The following LPCAT1 variants were observed in gnomAD, a reference collection of about 807,000 sequenced individuals.
The protein encoded by LPCAT1 is lysophosphatidylcholine acyltransferase 1, also known as 1-acylglycerol-3-phosphate O-acyltransferase.
Under a neutral mutation model 60.9 loss-of-function variants are expected in LPCAT1, and 23 were observed. The ratio of observed to expected loss-of-function variants is 0.38; its 90% CI spans 0.27 to 0.53. LPCAT1 has a LOEUF of 0.53. LPCAT1 is among the 20% of genes least tolerant of loss of function. The pLI, the probability that LPCAT1 is intolerant of heterozygous loss-of-function variation, is 0.82. For missense variants in LPCAT1, 622 were observed against 723.6 expected, an observed-to-expected ratio of 0.86 and a Z score of 1.61; for synonymous variants, 340 against 301.1, an observed-to-expected ratio of 1.13 and a Z score of -1.34.
chr5:1,481,314 C>A lies in LPCAT1; in HGVS notation c.727-338G>T, dbSNP rs773343818. 3.6e-4 allele frequency among the ~76,000 whole-genome samples: 55 copies of A among 152,338 alleles called. 3 individuals carry two copies. The South Asian group carries it at 6.8e-3, about 19-fold the overall frequency. On this transcript the variant is annotated intron_variant, in intron 6 of 13. Coordinates refer to ENST00000283415, the MANE Select transcript of LPCAT1 (RefSeq NM_024830.5). The surrounding 1 kb of genome is among the most constrained non-coding windows in gnomAD (Gnocchi z 7.8). ...CCCTAGAACCTGGGAAAAGGGTCCT[C>A]CCTCCCTCCATGCTCTCCGCTTTCC...
chr5:1,515,021 G>A (rs1229283020), intron 1 of LPCAT1, among the ~76,000 whole-genome samples: 1 of 152,192 alleles, frequency 6.6e-6, no homozygotes, highest in Non-Finnish European at 1.5e-5. Context: ...AGCCAGTGGG[G>A]CCCTGGTGGA....
At chr5:1,484,495 G>C (rs72717529) in intron 5 of LPCAT1, among the ~76,000 whole-genome samples, 2 of 152,216 alleles carry the variant, frequency 1.3e-5, no homozygotes, top group Non-Finnish European at 2.9e-5. Flanking sequence ...GAGGCCAGGC[G>C]AGTGAATCCC....
At chr5:1,519,934 C>G (rs1313514861) in intron 1 of LPCAT1, among the ~76,000 whole-genome samples, 1 of 152,236 alleles carries the variant, frequency 6.6e-6, no homozygotes, top group African/African-American at 2.4e-5. Flanking sequence ...TGTGCTCCCA[C>G]CGGGTACACT....
chr5:1,488,473 G>A (rs776544354), intron 4 of LPCAT1, 22 bp from the exon 5 acceptor site: 2 of 1,523,220 alleles, frequency 1.3e-6, no homozygotes, highest in Non-Finnish European at 1.8e-6. Flanking sequence ...AGAAAGAAAA[G>A]GATCAGCATT....
chr5:1,474,239 G>A lies in LPCAT1; in HGVS notation c.1026-129C>T, dbSNP rs570887620. 248 of 1,071,718 alleles carry A rather than the reference G, an allele frequency of 2.3e-4. No homozygotes were observed. In the African/African-American group the frequency reaches 3.5e-3, roughly 15 times the overall value. 66.4% of individuals were successfully genotyped at this position (1,071,718 alleles called of 1,614,324 possible). A position where few individuals can be genotyped will look rare whatever the true frequency, so the allele number is the denominator to read the frequency against. ...AGCAGCAAGCTAGTTTTCAAGAAAA[G>A]GCATTCTCCTAATTGGAAGGTGCGA... On this transcript the variant is annotated intron_variant, in intron 10 of 13. Coordinates refer to ENST00000283415, the MANE Select transcript of LPCAT1 (RefSeq NM_024830.5).
chr5:1,497,840 A>G (rs1483077690), intron 2 of LPCAT1, among the ~76,000 whole-genome samples: 1 of 152,180 alleles, frequency 6.6e-6, no homozygotes, highest in Non-Finnish European at 1.5e-5. Flanking sequence ...CATTCAGGAA[A>G]GGGCACCATC....
At chr5:1,519,887 C>T (rs982721314) in intron 1 of LPCAT1, among the ~76,000 whole-genome samples, 3 of 152,248 alleles carry the variant, frequency 2.0e-5, no homozygotes, top group Admixed American at 2.0e-4. Context: ...AAGGGACAGG[C>T]ACTCTCCTGC....
At chr5:1,499,628 G>GC (rs1319714806) in intron 2 of LPCAT1, among the ~76,000 whole-genome samples, 1 of 152,158 alleles carries the variant, frequency 6.6e-6, no homozygotes, top group Non-Finnish European at 1.5e-5. Flanking sequence ...TGATCCTGTT[G>GC]CCCCTAAAGA....
intron 8 of LPCAT1, among the ~76,000 whole-genome samples, chr5:1,478,030 A>G (rs1257926803): frequency 3.9e-5 from 6 of 152,254 alleles, no homozygotes; most frequent in Non-Finnish European, 8.8e-5. Context: ...CTGATCTCAC[A>G]GAGGGGCTTA....
At chr5:1,465,144 C>T (rs1734306580) in intron 13 of LPCAT1, among the ~76,000 whole-genome samples, 1 of 149,130 alleles carries the variant, frequency 6.7e-6, no homozygotes, top group Non-Finnish European at 1.5e-5. Flanking sequence ...AGCGCAGGCA[C>T]ACGCGGTAAC....
In LPCAT1 at chr5:1,476,804, T is replaced by C. The variant is rs1415789585; in HGVS notation, c.899+600A>G. On this transcript the variant is annotated intron_variant, in intron 9 of 13. Transcript: ENST00000283415. The surrounding 1 kb of genome is among the most constrained non-coding windows in gnomAD (Gnocchi z 8.6). ...GATGGAAGGTGCTGAGGGAGGGAGA[T>C]GGGGAGGGCGTGTGAGCTGACGACA... Among the ~76,000 whole-genome samples, 1 of 113,824 alleles carries C rather than the reference T, an allele frequency of 8.8e-6. No individual in the cohort carries two copies. The highest frequency in any genetic ancestry group is 3.4e-5 in the African/African-American group (1 of 29,598). The allele number at this position is 113,824 out of a possible 152,430, so 74.7% of individuals were successfully genotyped here.
chr5:1,465,064 C>T (rs938572200), intron 13 of LPCAT1, among the ~76,000 whole-genome samples: 1 of 95,952 alleles, frequency 1.0e-5, no homozygotes, highest in African/African-American at 3.7e-5. Flanking sequence ...CACAAGTGCA[C>T]GCACACACAC....
Position 1,523,716 on chromosome 5 carries a change from C to A in LPCAT1, c.129G>T (p.Lys43Asn). 1.7e-6 allele frequency: 2 copies of A among 1,152,572 alleles called. No homozygotes were observed. The highest frequency in any genetic ancestry group is 2.5e-5 in the South Asian group (1 of 39,690). The allele number at this position is 1,152,572 out of a possible 1,614,324, so 71.4% of individuals were successfully genotyped here. ...VHELRLSALQKAQVALMTLTL... is the reference protein window; with the variant it reads ...VHELRLSALQNAQVALMTLTL... Reference sequence around the variant, plus strand: ...GCGCGCCCTGGGCACCCACCTGGGCCTTCTGCAGGGCGCTGAGGCGCAGCT... The same window carrying A: ...GCGCGCCCTGGGCACCCACCTGGGCATTCTGCAGGGCGCTGAGGCGCAGCT... Residue 43 changes from lysine to asparagine, a missense_variant, in exon 1 of 14, where the codon AAG (lysine) becomes AAT (asparagine). Physicochemically the swap from Lys to Asn is moderately conservative, Grantham distance 94 (BLOSUM62 0). Coordinates refer to ENST00000283415, the MANE Select transcript of LPCAT1 (RefSeq NM_024830.5). This position sits in a 1 kb window ranked among gnomAD's most constrained non-coding sequence, Gnocchi z 7.1.
At chr5:1,474,372 A>G (rs1424617582) in intron 10 of LPCAT1, among the ~76,000 whole-genome samples, 188 bp downstream of exon 10, 1 of 152,228 alleles carries the variant, frequency 6.6e-6, no homozygotes, top group Admixed American at 6.5e-5. Flanking sequence ...GGCGCCGTCC[A>G]CAGACAGCTG....
chr5:1,516,962 C>T (rs115085601), intron 1 of LPCAT1, among the ~76,000 whole-genome samples: 177 of 152,356 alleles, frequency 1.2e-3, no homozygotes, highest in African/African-American at 4.0e-3. Flanking sequence ...GCCAGGGATG[C>T]ATTGGTTTTA....
At position 1,488,774 on chromosome 5, in the gene LPCAT1, G is replaced by A. The variant is rs777743956; in HGVS notation, c.607-323C>T. Among the ~76,000 whole-genome samples the A allele has an allele frequency of 3.3e-5, 5 of 152,298 alleles. No individual in the cohort carries two copies. In the East Asian group the frequency reaches 7.7e-4, roughly 23 times the overall value. ...CCAGGTGCAACTAAATATAACCCACGGTTGGCACAACATAAGCACCTCCTG... is the reference window on the plus strand; with the variant it reads ...CCAGGTGCAACTAAATATAACCCACAGTTGGCACAACATAAGCACCTCCTG... On this transcript the variant is annotated intron_variant, in intron 4 of 13. Coordinates refer to ENST00000283415, the MANE Select transcript of LPCAT1 (RefSeq NM_024830.5).
At chr5:1,508,608 ATG>A (rs1736256635) in intron 1 of LPCAT1, among the ~76,000 whole-genome samples, 1 of 152,176 alleles carries the variant, frequency 6.6e-6, no homozygotes, top group African/African-American at 2.4e-5. Flanking sequence ...TGAGACAACA[ATG>A]TCTGTGGTTT....
rs917459182 is a variant in LPCAT1 at position 1,523,412 on chromosome 5, G to C, written c.135+298C>G. Among the ~76,000 whole-genome samples, 1 of 151,776 alleles carries C rather than the reference G, an allele frequency of 6.6e-6. No individual in the cohort carries two copies. Among genetic ancestry groups the C allele is most frequent in the Non-Finnish European group, 1.5e-5 (1 of 67,878 alleles). On this transcript the variant is annotated intron_variant, in intron 1 of 13. Transcript: ENST00000283415. The surrounding 1 kb of genome is among the most constrained non-coding windows in gnomAD (Gnocchi z 7.1). ...TTGTGGGCCCGGTTCAGGGTGCAGG[G>C]GTCTGGGGGGAGGAGCAGAACGCGG...
chr5:1,520,812 G>A (rs1365798582), intron 1 of LPCAT1, among the ~76,000 whole-genome samples: 4 of 134,480 alleles, frequency 3.0e-5, no homozygotes, highest in African/African-American at 1.1e-4. Flanking sequence ...GTAGTGAGCC[G>A]ATATCGCACC....
Sources: gnomAD v4.1 joint callset for allele counts (sites outside exome capture counted in the v4.1 genomes callset) on GRCh38, gnomAD v4.1.1 for gene constraint, Gnocchi (gnomAD v3.1) non-coding constraint, MANE v1.5 for transcripts, NCBI Gene and HGNC (gene_info 2026-07-23, HGNC 2026-07-21) for gene names.